GALNTL6: variants seen among roughly 807,000 people sequenced by gnomAD.
The protein encoded by GALNTL6 is polypeptide N-acetylgalactosaminyltransferase-like 6.
In GALNTL6, 46 loss-of-function variants were observed where a neutral mutation model predicts 73.7. The observed-to-expected ratio is 0.62, with a 90% CI of 0.49 to 0.80. The LOEUF is 0.80. Ranked by LOEUF, GALNTL6 falls within the 30% of genes least tolerant of loss-of-function variation. GALNTL6 has a pLI of 0.00. For synonymous variants in GALNTL6, 259 were observed against 263.7 expected (o/e 0.98, Z 0.17); for missense variants, 604 against 755.0 (o/e 0.80, Z 2.34).
chr4:171,821,954 C>A (rs953924091), intron 2 of GALNTL6, among the ~76,000 whole-genome samples: 1 of 151,232 alleles, frequency 6.6e-6, no homozygotes, highest in Admixed American at 6.6e-5. Context: ...AAAATTAGTT[C>A]TTGATGTATT....
intron 2 of GALNTL6, among the ~76,000 whole-genome samples, chr4:172,201,075 T>C (rs1056631121): frequency 6.6e-6 from 1 of 151,794 alleles, no homozygotes; most frequent in Non-Finnish European, 1.5e-5. Context: ...AAACGATACA[T>C]AAGGAAAAAA....
chr4:172,901,667 C>T (rs576864314), intron 8 of GALNTL6, among the ~76,000 whole-genome samples: 39 of 152,160 alleles, frequency 2.6e-4, no homozygotes, highest in Admixed American at 8.5e-4. Flanking sequence ...ACTTCATGGC[C>T]GAACGAAAAA....
At chr4:171,956,666 T>C (rs1739058714) in intron 2 of GALNTL6, among the ~76,000 whole-genome samples, 1 of 151,720 alleles carries the variant, frequency 6.6e-6, no homozygotes, top group Non-Finnish European at 1.5e-5. Flanking sequence ...TAAAATTAAA[T>C]TCTTTATCAG....
chr4:171,909,584 A>T (rs1737410251), intron 2 of GALNTL6, among the ~76,000 whole-genome samples: 1 of 152,210 alleles, frequency 6.6e-6, no homozygotes, highest in South Asian at 2.1e-4. Flanking sequence ...GTCTAATGTA[A>T]CTGAGGACGG....
chr4:172,972,701 A>G (rs1750636895), intron 10 of GALNTL6, among the ~76,000 whole-genome samples: 1 of 152,212 alleles, frequency 6.6e-6, no homozygotes, highest in Non-Finnish European at 1.5e-5. Flanking sequence ...TAGAAAGTAG[A>G]AAGGGAAGAA....
intron 2 of GALNTL6, among the ~76,000 whole-genome samples, chr4:172,161,052 T>C (rs772373742): frequency 9.2e-5 from 14 of 151,912 alleles, no homozygotes; most frequent in Non-Finnish European, 1.9e-4. Context: ...AGGGACATCC[T>C]TGAATCTTTG....
At chr4:172,063,658 T>C (rs1731274273) in intron 2 of GALNTL6, among the ~76,000 whole-genome samples, 1 of 152,178 alleles carries the variant, frequency 6.6e-6, no homozygotes, top group East Asian at 1.9e-4. Context: ...ATTAGTCTGT[T>C]CTTTTGAGTG....
intron 5 of GALNTL6, among the ~76,000 whole-genome samples, chr4:172,713,541 C>G (rs1055060754): frequency 6.6e-6 from 1 of 152,094 alleles, no homozygotes; most frequent in Admixed American, 6.6e-5. Flanking sequence ...AAATATTCCT[C>G]TCACCCAAAA....
chr4:171,898,418 C>T (rs1443417074), intron 2 of GALNTL6, among the ~76,000 whole-genome samples: 1 of 152,114 alleles, frequency 6.6e-6, no homozygotes, highest in Non-Finnish European at 1.5e-5. Context: ...ATCCTTAAAA[C>T]TATTACCTAT....
At chr4:172,171,815 A>G (rs1217618439) in intron 2 of GALNTL6, among the ~76,000 whole-genome samples, 1 of 152,134 alleles carries the variant, frequency 6.6e-6, no homozygotes, top group Admixed American at 6.5e-5. Context: ...TCAAAGTGAG[A>G]TACTTTCTCA....
At chr4:172,191,002 G>A (rs1188370286) in intron 2 of GALNTL6, among the ~76,000 whole-genome samples, 1 of 152,144 alleles carries the variant, frequency 6.6e-6, no homozygotes, top group African/African-American at 2.4e-5. Flanking sequence ...CCCTCTCAAA[G>A]ATTTCACTTA....
At chr4:172,000,241 A>C (rs1363242203) in intron 2 of GALNTL6, among the ~76,000 whole-genome samples, 4 of 152,324 alleles carry the variant, frequency 2.6e-5, no homozygotes, top group African/African-American at 9.6e-5. Flanking sequence ...AATTATGACT[A>C]ATGAGGTCCG....
rs1394411525 is a variant in GALNTL6 at position 172,931,226 on chromosome 4, G to C, written c.1107G>C (p.Lys369Asn). 1 of 1,612,038 alleles carries C rather than the reference G, an allele frequency of 6.2e-7. No individual in the cohort carries two copies. Among genetic ancestry groups the C allele is most frequent in the Non-Finnish European group, 8.5e-7 (1 of 1,178,226 alleles). Residue 369 changes from lysine to asparagine, a missense_variant, in exon 9 of 13, where the codon AAG becomes AAC. This residue lies in a region of GALNTL6 where 14 missense variants were observed against 40.8 expected (regional missense o/e 0.34). Coordinates refer to ENST00000506823, the MANE Select transcript of GALNTL6 (RefSeq NM_001034845.3). ...PCSRVGHIYR[K>N]YVPYKVPSGT... is the part of the protein sequence containing the mutation. ...CTAGAGTTGGTCATATCTACAGGAA[G>C]TACGTTCCATACAAAGTTCCATCTG...
At position 172,952,152 on chromosome 4, in the gene GALNTL6, G is replaced by T. The variant is rs777532711; in HGVS notation, c.1265G>T (p.Arg422Leu). The T allele has an allele frequency of 1.2e-6, 2 of 1,613,380 alleles. No individual in the cohort carries two copies. The highest frequency in any genetic ancestry group is 1.3e-5 in the African/African-American group (1 of 74,998). Reference protein sequence around the residue: ...TGDISAQKELRKQLKCKDFKW... With the variant: ...TGDISAQKELLKQLKCKDFKW... Reference sequence around the variant, plus strand: ...GACATCTCTGCCCAGAAGGAGCTGCGCAAGCAGCTCAAGTGCAAGGACTTC... The same window carrying T: ...GACATCTCTGCCCAGAAGGAGCTGCTCAAGCAGCTCAAGTGCAAGGACTTC... The change falls in exon 10 of 13, where the codon CGC (arginine) becomes CTC (leucine). Residue 422 changes from arginine (R) to leucine (L), a missense_variant. Arg to Leu is a moderately radical substitution (Grantham distance 102). Coordinates refer to ENST00000506823, the MANE Select transcript of GALNTL6 (RefSeq NM_001034845.3).
chr4:172,162,926 AT>A (rs767319117), intron 2 of GALNTL6, among the ~76,000 whole-genome samples: 8 of 152,066 alleles, frequency 5.3e-5, no homozygotes, highest in Non-Finnish European at 1.2e-4. Context: ...AAGATAATCA[AT>A]GTTGAACACC....
At chr4:172,634,007 T>A (rs1739531640) in intron 5 of GALNTL6, among the ~76,000 whole-genome samples, 1 of 152,194 alleles carries the variant, frequency 6.6e-6, no homozygotes, top group African/African-American at 2.4e-5. Context: ...CCTTTATAAA[T>A]TACCCAGTCT....
chr4:172,117,130 TGA>T (rs1560929762), intron 2 of GALNTL6, among the ~76,000 whole-genome samples: 1 of 152,178 alleles, frequency 6.6e-6, no homozygotes, highest in African/African-American at 2.4e-5. Context: ...GCAAAATTCA[TGA>T]GAGCAAAAAC....
chr4:172,017,324 G>A (rs1407919771), intron 2 of GALNTL6, among the ~76,000 whole-genome samples: 2 of 152,216 alleles, frequency 1.3e-5, no homozygotes, highest in African/African-American at 4.8e-5. Context: ...TTCTTTTCAT[G>A]GACAGAAATG....
intron 2 of GALNTL6, among the ~76,000 whole-genome samples, chr4:171,987,706 G>A (rs1435719952): frequency 6.6e-6 from 1 of 152,180 alleles, no homozygotes; most frequent in African/African-American, 2.4e-5. Context: ...GTTCTAAGAG[G>A]CGGGCTAGTG....
Sources: allele counts gnomAD v4.1 joint callset (sites outside exome capture counted in the v4.1 genomes callset), GRCh38; gene constraint gnomAD v4.1.1; regional missense constraint gnomAD v4.1.1; transcripts MANE v1.5; gene names NCBI Gene and HGNC (gene_info 2026-07-23, HGNC 2026-07-21).